The following CDH26 variants were observed in gnomAD, a reference collection of about 807,000 sequenced individuals.
CDH26 encodes cadherin 26, also known as cadherin-like protein 26.
A neutral mutation model predicts 90.3 loss-of-function variants in CDH26; 83 were observed. The observed-to-expected ratio is 0.92, with a 90% CI of 0.77 to 1.10. The LOEUF (loss-of-function observed/expected upper bound fraction) is 1.10, where lower values mean the gene tolerates loss of function less well. Among genes scored for constraint, CDH26 ranks in the 50% least tolerant of loss-of-function variants. The pLI, the probability that CDH26 is intolerant of heterozygous loss-of-function variation, is 0.00. For synonymous variants in CDH26, 397 were observed against 396.3 expected (o/e 1.00, Z -0.02); for missense variants, 1,013 against 1,037.6 (o/e 0.98, Z 0.33).
rs2061681644 is a variant in CDH26, at chr20:60,001,927, G to A, written c.2166+516G>A. Among the ~76,000 whole-genome samples, 4 of 152,276 alleles carry A rather than the reference G, an allele frequency of 2.6e-5. No homozygotes were observed. The South Asian group carries it at 8.3e-4, about 32-fold the overall frequency. On this transcript the variant is annotated intron_variant, in intron 15 of 17. Coordinates refer to ENST00000348616, the MANE Select transcript of CDH26 (RefSeq NM_177980.4). ...TGCAAAAATAGTTTGGAGAGTTCTT[G>A]GGGGTCCCCCAAATATACCATCTTA...
Position 60,002,881 on chromosome 20 carries a change from A to G in CDH26, c.2220+15A>G. Reference sequence around the variant, plus strand: ...ACTCTACTCCTGTAAGTATAGATGTAGGTGTTACCGTGAACAAATTTACCT... The same window carrying G: ...ACTCTACTCCTGTAAGTATAGATGTGGGTGTTACCGTGAACAAATTTACCT... On this transcript the variant is annotated intron_variant, in intron 16 of 17. Coordinates refer to ENST00000348616, the MANE Select transcript of CDH26 (RefSeq NM_177980.4). 1 of 1,544,496 alleles carries G rather than the reference A, an allele frequency of 6.5e-7. No individual in the cohort carries two copies. Among genetic ancestry groups the G allele is most frequent in the Non-Finnish European group, 8.8e-7 (1 of 1,136,432 alleles).
chr20:59,998,123 A>G (rs1216561064), intron 13 of CDH26, among the ~76,000 whole-genome samples: 1 of 152,260 alleles, frequency 6.6e-6, no homozygotes, highest in Non-Finnish European at 1.5e-5. Flanking sequence ...GAAGAAAACC[A>G]TCTGGACAAA....
At chr20:59,986,997 T>C (rs1243986733) in intron 7 of CDH26, among the ~76,000 whole-genome samples, 5 of 152,188 alleles carry the variant, frequency 3.3e-5, no homozygotes, top group African/African-American at 2.4e-5. Flanking sequence ...AAACATTGCC[T>C]CCAAAAGTAT....
chr20:60,011,787 G>A (rs1477678320), intron 17 of CDH26, among the ~76,000 whole-genome samples: 2 of 152,166 alleles, frequency 1.3e-5, no homozygotes, highest in Admixed American at 6.5e-5. Context: ...GATGTAGGTT[G>A]TGGGCAAAAC....
At chr20:60,031,476 G>T in intron 8 of CDH26, 1 of 1,049,172 alleles carries the variant, frequency 9.5e-7, no homozygotes, top group South Asian at 2.9e-5. Flanking sequence ...TTTTAAAAAA[G>T]ATTCAGTTAT....
rs568871347 is a variant in CDH26 at position 59,975,129 on chromosome 20, A to G, written c.393+3006A>G. On this transcript the variant is annotated intron_variant, in intron 4 of 17. Transcript: ENST00000348616. Reference sequence around the variant, plus strand: ...GAGTTGAATTGTGTCTCCCAAAAATACATGTTCAAGTCCTAATTCATGGTA... The same window carrying G: ...GAGTTGAATTGTGTCTCCCAAAAATGCATGTTCAAGTCCTAATTCATGGTA... 3.3e-5 allele frequency among the ~76,000 whole-genome samples: 5 copies of G among 152,274 alleles called. No homozygotes were observed. In the South Asian group the frequency reaches 1.0e-3, roughly 32 times the overall value.
At chr20:60,003,668 A>C (rs2061703987) in intron 16 of CDH26, among the ~76,000 whole-genome samples, 1 of 152,180 alleles carries the variant, frequency 6.6e-6, no homozygotes, top group Non-Finnish European at 1.5e-5. Flanking sequence ...AAAGATGTAA[A>C]CCACTTTCTG....
intron 7 of CDH26, among the ~76,000 whole-genome samples, chr20:60,023,112 C>T (rs1392979864): frequency 6.6e-6 from 1 of 152,190 alleles, no homozygotes; most frequent in Non-Finnish European, 1.5e-5. Flanking sequence ...AATGTGATGG[C>T]TGGAGGTGGG....
At chr20:60,005,630 C>T (rs1180514978) in intron 16 of CDH26, among the ~76,000 whole-genome samples, 1 of 152,150 alleles carries the variant, frequency 6.6e-6, no homozygotes, top group Non-Finnish European at 1.5e-5. Flanking sequence ...GAAGTCATCT[C>T]AGCCATAAAG....
At chr20:59,984,616 C>G (rs1236412995) in intron 5 of CDH26, 23 bp from the exon 6 acceptor site, 1 of 1,597,794 alleles carries the variant, frequency 6.3e-7, no homozygotes, top group South Asian at 1.1e-5. Flanking sequence ...CTGATAGTAA[C>G]AATTTTTAAA....
chr20:60,015,268 G>A (rs1250585549), downstream of CDH26, among the ~76,000 whole-genome samples: 1 of 152,180 alleles, frequency 6.6e-6, no homozygotes, highest in Non-Finnish European at 1.5e-5. Flanking sequence ...TTAAAGGTGT[G>A]AGCCACTGCA....
downstream of CDH26, among the ~76,000 whole-genome samples, chr20:60,019,412 G>A (rs1057025858): frequency 1.3e-5 from 2 of 151,848 alleles, no homozygotes; most frequent in Non-Finnish European, 2.9e-5. Flanking sequence ...TTTTTTGTCT[G>A]CCTGTTATTT....
In CDH26 at chr20:59,984,619, T is replaced by C; in HGVS notation, c.542-20T>C. On this transcript the variant is annotated intron_variant, in intron 5 of 17. Transcript: ENST00000348616. Reference sequence around the variant, plus strand: ...GGCTACCTTTATCTGATAGTAACAATTTTTAAAAATTCTTTCTAGGGCAAC... The same window carrying C: ...GGCTACCTTTATCTGATAGTAACAACTTTTAAAAATTCTTTCTAGGGCAAC... 6.2e-7 allele frequency: 1 copy of C among 1,600,510 alleles called. No homozygotes were observed. The highest frequency in any genetic ancestry group is 8.5e-7 in the Non-Finnish European group (1 of 1,174,858).
intron 6 of CDH26, 53 bp downstream of exon 6, chr20:59,984,858 G>A (rs1301808837): frequency 1.3e-6 from 2 of 1,577,140 alleles, no homozygotes; most frequent in Non-Finnish European, 1.7e-6. Flanking sequence ...CCATCCTTGA[G>A]CCCCAGGCTT....
Position 60,024,491 on chromosome 20 carries a change from G to A in CDH26, c.948-6740G>A, listed in dbSNP as rs370164402. Among the ~76,000 whole-genome samples, 10 of 152,220 alleles carry A rather than the reference G, an allele frequency of 6.6e-5. No individual in the cohort carries two copies. The East Asian group carries it at 1.9e-3, about 29-fold the overall frequency. Reference sequence around the variant, plus strand: ...CTTACTCATCTCCCTTATGTTGGATGTATTGAGAGCAAGTAACTTATTACT... The same window carrying A: ...CTTACTCATCTCCCTTATGTTGGATATATTGAGAGCAAGTAACTTATTACT... On this transcript the variant is annotated intron_variant, in intron 7 of 8. Coordinates refer to the CDH26 transcript ENST00000370991.
At position 59,961,947 on chromosome 20, in the gene CDH26, G is replaced by C. The variant is rs188643366; in HGVS notation, c.69+3152G>C. On this transcript the variant is annotated intron_variant, in intron 1 of 17. Transcript: ENST00000348616. ...TTATGATTTTTTGTTGTTGGTGGTG[G>C]TGGCGTTGTTACCAATCTGGGAAAT... is the stretch of plus-strand genomic sequence containing the variant. Among the ~76,000 whole-genome samples the C allele has an allele frequency of 2.0e-5, 3 of 152,338 alleles. No individual in the cohort carries two copies. In the East Asian group the frequency reaches 5.8e-4, roughly 29 times the overall value.
chr20:59,983,165 G>T, intron 5 of CDH26, 95 bp downstream of exon 5: 1 of 1,442,652 alleles, frequency 6.9e-7, no homozygotes. Flanking sequence ...GTCATCTTCA[G>T]GGAGAGTTTT....
In CDH26 at chr20:60,014,202, G is replaced by A. The variant is rs906045456; in HGVS notation, c.*1472G>A. 7.9e-5 allele frequency: 12 copies of A among 151,924 alleles called. No homozygotes were observed. The highest frequency in any genetic ancestry group is 1.8e-4 in the Non-Finnish European group (12 of 67,982). The allele number at this position is 151,924 out of a possible 1,614,324, so 9.4% of individuals were successfully genotyped here. On this transcript the variant is annotated 3_prime_UTR_variant, in exon 18 of 18. Coordinates refer to ENST00000348616, the MANE Select transcript of CDH26 (RefSeq NM_177980.4). ...TATAATAATTGTACATATTTAGGGG[G>A]TACATAGTCATGTTTCAATACATTT...
intron 16 of CDH26, 41 bp downstream of exon 16, chr20:60,002,907 TA>T (rs1433357842): frequency 1.4e-6 from 2 of 1,417,534 alleles, no homozygotes; most frequent in Non-Finnish European, 1.9e-6. Context: ...AAATTTACCT[TA>T]TTGTTCTGCC....
Sources: gnomAD v4.1 joint callset for allele counts (sites outside exome capture counted in the v4.1 genomes callset) on GRCh38, gnomAD v4.1.1 for gene constraint, MANE v1.5 for transcripts, NCBI Gene and HGNC (gene_info 2026-07-23, HGNC 2026-07-21) for gene names.